Variants in CNTNAP2 observed in about 807,000 individuals in gnomAD.
The protein encoded by CNTNAP2 is contactin-associated protein-like 2.
CNTNAP2 carries 98 observed loss-of-function variants against 155.2 expected under a neutral mutation model. That is an observed-to-expected ratio of 0.63 (90% confidence interval 0.54 to 0.75). The LOEUF (loss-of-function observed/expected upper bound fraction) is 0.75. Among genes scored for constraint, CNTNAP2 ranks in the 30% least tolerant of loss-of-function variants. The probability of loss-of-function intolerance (pLI) is 0.00; values close to 1 mark genes in which losing one functional copy is unlikely to be tolerated. For missense variants in CNTNAP2, 1,727 were observed against 1,688.1 expected (o/e 1.02, Z -0.40); for synonymous variants, 651 against 631.2 (o/e 1.03, Z -0.47).
intron 10 of CNTNAP2, among the ~76,000 whole-genome samples, chr7:147,425,059 C>T (rs1331280949): frequency 6.6e-6 from 1 of 152,084 alleles, no homozygotes; most frequent in Non-Finnish European, 1.5e-5. Flanking sequence ...AGCACAGCAG[C>T]CAGAGTGATA....
intron 10 of CNTNAP2, among the ~76,000 whole-genome samples, chr7:147,428,834 A>G (rs940305580): frequency 1.3e-5 from 2 of 152,032 alleles, no homozygotes; most frequent in Non-Finnish European, 2.9e-5. Flanking sequence ...GTTACATGGA[A>G]AAGATATTTA....
chr7:146,323,010 G>A (rs1022120246), intron 1 of CNTNAP2, among the ~76,000 whole-genome samples: 4 of 152,006 alleles, frequency 2.6e-5, no homozygotes, highest in African/African-American at 7.3e-5. Flanking sequence ...AGCCAAAAGA[G>A]CCTTATATGC....
At chr7:146,258,193 A>G (rs113426674) in intron 1 of CNTNAP2, among the ~76,000 whole-genome samples, 6,314 of 152,262 alleles carry the variant, frequency 0.041, 402 homozygotes, top group African/African-American at 0.14. Flanking sequence ...TACCTGGTCT[A>G]TCCAGCTATT....
intron 10 of CNTNAP2, 142 bp from the exon 11 acceptor site, chr7:147,485,793 C>T: frequency 2.6e-6 from 2 of 782,640 alleles, no homozygotes; most frequent in Admixed American, 3.7e-5. Context: ...TCATATTAAT[C>T]TGCTTAAACT....
chr7:147,510,094 G>A (rs1409736188), intron 11 of CNTNAP2, among the ~76,000 whole-genome samples: 2 of 152,156 alleles, frequency 1.3e-5, no homozygotes. Context: ...CTGGGCTTAT[G>A]AGAAGATTCC....
At chr7:147,886,512 T>C (rs551719887) in intron 13 of CNTNAP2, among the ~76,000 whole-genome samples, 2 of 92,252 alleles carry the variant, frequency 2.2e-5, no homozygotes, top group East Asian at 7.5e-4. Flanking sequence ...AAGATTTGGT[T>C]GTAATCTCTC....
intron 15 of CNTNAP2, among the ~76,000 whole-genome samples, chr7:148,030,315 G>A (rs1236434672): frequency 2.6e-5 from 4 of 152,184 alleles, no homozygotes; most frequent in Admixed American, 2.6e-4. Flanking sequence ...TTGTATTGTT[G>A]CATGGGGAAA....
At chr7:146,973,571 G>A (rs988351105) in intron 3 of CNTNAP2, among the ~76,000 whole-genome samples, 1 of 152,176 alleles carries the variant, frequency 6.6e-6, no homozygotes, top group Non-Finnish European at 1.5e-5. Context: ...ATAAACCTAT[G>A]TTAAGGTTAT....
At chr7:146,928,704 G>A (rs922499551) in intron 3 of CNTNAP2, among the ~76,000 whole-genome samples, 1 of 152,212 alleles carries the variant, frequency 6.6e-6, no homozygotes, top group Non-Finnish European at 1.5e-5. Context: ...GTGACAGAAG[G>A]CATCTGGAAA....
chr7:148,039,863 C>T (rs1802637479), intron 15 of CNTNAP2, among the ~76,000 whole-genome samples: 1 of 152,142 alleles, frequency 6.6e-6, no homozygotes, highest in South Asian at 2.1e-4. Flanking sequence ...AATGTTTTTC[C>T]TCACAAACCA....
intron 9 of CNTNAP2, among the ~76,000 whole-genome samples, chr7:147,374,375 A>G (rs1051953229): frequency 1.3e-5 from 2 of 151,966 alleles, no homozygotes; most frequent in Admixed American, 1.3e-4. Flanking sequence ...CTCTTTAGAT[A>G]TTTGTATTTT....
At chr7:147,127,867 T>A (rs1325179221) in intron 6 of CNTNAP2, among the ~76,000 whole-genome samples, 1 of 152,212 alleles carries the variant, frequency 6.6e-6, no homozygotes, top group Non-Finnish European at 1.5e-5. Context: ...AATTAGCGGT[T>A]GGCTTCATTT....
chr7:147,586,440 AG>A (rs1441757629), intron 12 of CNTNAP2, among the ~76,000 whole-genome samples: 1 of 151,314 alleles, frequency 6.6e-6, no homozygotes, highest in Non-Finnish European at 1.5e-5. Flanking sequence ...CTTGGCCAAG[AG>A]GTGGGGTCCA....
At chr7:146,364,723 T>A (rs1795131240) in intron 1 of CNTNAP2, among the ~76,000 whole-genome samples, 1 of 152,214 alleles carries the variant, frequency 6.6e-6, no homozygotes, top group Non-Finnish European at 1.5e-5. Context: ...TTAATCAGAA[T>A]GCAAAGATAA....
At chr7:146,894,891 A>T (rs1302553324) in intron 3 of CNTNAP2, among the ~76,000 whole-genome samples, 1 of 152,082 alleles carries the variant, frequency 6.6e-6, no homozygotes, top group Non-Finnish European at 1.5e-5. Context: ...ATTCTGAAAA[A>T]CTTTTTGAAA....
At chr7:146,164,555 C>G (rs569553868) in intron 1 of CNTNAP2, among the ~76,000 whole-genome samples, 1 of 152,306 alleles carries the variant, frequency 6.6e-6, no homozygotes, top group African/African-American at 2.4e-5. Context: ...TCCTGAACAG[C>G]AACTTAATAA....
chr7:147,857,746 G>A (rs1799062923), intron 13 of CNTNAP2, among the ~76,000 whole-genome samples: 1 of 152,108 alleles, frequency 6.6e-6, no homozygotes, highest in South Asian at 2.1e-4. Flanking sequence ...ATAAAACTCT[G>A]ACACAACAAA....
chr7:148,366,513 C>T (rs1798784814), intron 21 of CNTNAP2, among the ~76,000 whole-genome samples: 1 of 152,160 alleles, frequency 6.6e-6, no homozygotes, highest in African/African-American at 2.4e-5. Context: ...ACTTTTATTT[C>T]ACTCTTTCTA....
chr7:147,247,604 A>G (rs748517488), intron 8 of CNTNAP2, among the ~76,000 whole-genome samples: 11 of 152,220 alleles, frequency 7.2e-5, no homozygotes, highest in Non-Finnish European at 1.3e-4. Context: ...ATATTATTCA[A>G]ACACTGAAGA....
Sources: allele counts gnomAD v4.1 joint callset (sites outside exome capture counted in the v4.1 genomes callset), GRCh38; gene constraint gnomAD v4.1.1; transcripts MANE v1.5; gene names NCBI Gene and HGNC (gene_info 2026-07-23, HGNC 2026-07-21).